VAMP7: variants seen among roughly 807,000 people sequenced by gnomAD.
VAMP7 encodes vesicle-associated membrane protein 7.
Under a neutral mutation model 29.6 loss-of-function variants are expected in VAMP7, and 14 were observed. The ratio of observed to expected loss-of-function variants is 0.47; its 90% CI spans 0.31 to 0.74. The LOEUF (loss-of-function observed/expected upper bound fraction) is 0.74. VAMP7 is among the 30% of genes least tolerant of loss of function. The probability of loss-of-function intolerance (pLI) is 0.05; values close to 1 mark genes in which losing one functional copy is unlikely to be tolerated. For missense variants in VAMP7, 223 were observed against 262.4 expected (o/e 0.85, Z 1.04); for synonymous variants, 95 against 88.1 (o/e 1.08, Z -0.44).
intron 4 of VAMP7, 84 bp from the exon 5 acceptor site, chrX:155,900,413 G>T (rs2066045273): frequency 9.7e-7 from 1 of 1,026,114 alleles, no homozygotes; most frequent in Non-Finnish European, 1.4e-6. Flanking sequence ...GCATTCCTCA[G>T]TGTAAATTGT....
chrX:155,888,110 T>G (rs2065886983), intron 1 of VAMP7, among the ~76,000 whole-genome samples: 1 of 152,098 alleles, frequency 6.6e-6, no homozygotes, highest in African/African-American at 2.4e-5. Flanking sequence ...GGGAACAACT[T>G]CAGTTAGAGA....
intron 5 of VAMP7, 54 bp from the exon 6 acceptor site, chrX:155,919,759 T>A: frequency 6.6e-7 from 1 of 1,507,244 alleles, no homozygotes; most frequent in East Asian, 2.3e-5. Context: ...AAAAAAAGTT[T>A]ATTTTATTCT....
intron 4 of VAMP7, 108 bp from the exon 5 acceptor site, chrX:155,900,389 G>A: frequency 3.6e-6 from 3 of 823,866 alleles, no homozygotes. Context: ...TATCAATAGA[G>A]ACATAATTTT....
chrX:155,895,598 A>G (rs1448678035), intron 2 of VAMP7, 25 bp from the exon 3 acceptor site: 2 of 1,569,344 alleles, frequency 1.3e-6, no homozygotes, highest in South Asian at 1.1e-5. Context: ...TAACCACAGT[A>G]AGTTTTATAT....
At chrX:155,895,542 G>GTGCTTAT (rs1569435050) in intron 2 of VAMP7, 81 bp from the exon 3 acceptor site, 2 of 1,002,840 alleles carry the variant, frequency 2.0e-6, no homozygotes, top group Non-Finnish European at 3.1e-6. Flanking sequence ...AGTACTGAAC[G>GTGCTTAT]TGCTTATACA....
intron 6 of VAMP7, among the ~76,000 whole-genome samples, chrX:155,923,266 T>C (rs1281073967): frequency 6.6e-6 from 1 of 152,016 alleles, no homozygotes; most frequent in African/African-American, 2.4e-5. Context: ...TCAGTGCTCT[T>C]AATTCTTTTG....
rs532123106 is a variant in VAMP7, at chrX:155,917,002, A to G, written c.434-2811A>G. ...TCACTTTCAAGCACACCAATCAAACATAGGTTTGGTCTTTTCATATAGTCC... is the reference window on the plus strand; with the variant it reads ...TCACTTTCAAGCACACCAATCAAACGTAGGTTTGGTCTTTTCATATAGTCC... On this transcript the variant is annotated intron_variant, in intron 5 of 7. Coordinates refer to ENST00000286448, the MANE Select transcript of VAMP7 (RefSeq NM_005638.6). Among the ~76,000 whole-genome samples the G allele has an allele frequency of 1.2e-4, 18 of 152,200 alleles. No homozygotes were observed. In the South Asian group the frequency reaches 3.7e-3, roughly 32 times the overall value.
intron 2 of VAMP7, among the ~76,000 whole-genome samples, chrX:155,895,115 C>T (rs1273558213): frequency 2.6e-5 from 4 of 152,260 alleles, no homozygotes; most frequent in South Asian, 4.2e-4. Context: ...CACTGTAATT[C>T]CTTACACTGT....
chrX:155,904,914 A>G, intron 5 of VAMP7, among the ~76,000 whole-genome samples: 1 of 148,222 alleles, frequency 6.7e-6, no homozygotes, highest in Non-Finnish European at 1.5e-5. Flanking sequence ...TATTATATAT[A>G]TATATATATG....
chrX:155,895,286 T>TG (rs1157071212), intron 2 of VAMP7, among the ~76,000 whole-genome samples: 6 of 152,208 alleles, frequency 3.9e-5, no homozygotes, highest in Non-Finnish European at 5.9e-5. Context: ...TATGGCCTAT[T>TG]GGGGGTTAAT....
chrX:155,897,009 G>T (rs1028614309), intron 3 of VAMP7, among the ~76,000 whole-genome samples: 1 of 151,470 alleles, frequency 6.6e-6, no homozygotes, highest in Non-Finnish European at 1.5e-5. Flanking sequence ...TAATATATAT[G>T]CTTCTTTATG....
At chrX:155,912,610 G>A (rs2124322678) in intron 5 of VAMP7, among the ~76,000 whole-genome samples, 1 of 152,046 alleles carries the variant, frequency 6.6e-6, no homozygotes, top group East Asian at 1.9e-4. Flanking sequence ...AACACGTGGT[G>A]TTTGGTTTTC....
chrX:155,927,928 T>C (rs933257126), intron 6 of VAMP7, among the ~76,000 whole-genome samples: 6 of 152,074 alleles, frequency 3.9e-5, no homozygotes, highest in African/African-American at 1.4e-4. Context: ...TTGTTTGTTT[T>C]GTTTTTTTAA....
At chrX:155,926,906 T>G (rs948875384) in intron 6 of VAMP7, among the ~76,000 whole-genome samples, 3 of 152,112 alleles carry the variant, frequency 2.0e-5, no homozygotes, top group Non-Finnish European at 4.4e-5. Flanking sequence ...GGGAGAGAGA[T>G]AAGAGAATAG....
At chrX:155,939,998 A>G (rs961273670) in intron 7 of VAMP7, among the ~76,000 whole-genome samples, 1 of 152,060 alleles carries the variant, frequency 6.6e-6, no homozygotes, top group African/African-American at 2.4e-5. Flanking sequence ...GAATTATTAT[A>G]TATTCTCAAT....
rs2066770585 is a variant in VAMP7, at chrX:155,943,081, C to G, written c.*1130C>G. ...ACAAAACAGTTTAACAACCATTTAACTGCAGTGTAAGAAAATTGGACTGTA... is the reference window on the plus strand; with the variant it reads ...ACAAAACAGTTTAACAACCATTTAAGTGCAGTGTAAGAAAATTGGACTGTA... On this transcript the variant is annotated 3_prime_UTR_variant, in exon 8 of 8. Transcript: ENST00000286448. The G allele has an allele frequency of 6.7e-6, 1 of 150,194 alleles. No individual in the cohort carries two copies. Among genetic ancestry groups the G allele is most frequent in the African/African-American group, 2.5e-5 (1 of 40,498 alleles). 9.3% of individuals were successfully genotyped at this position (150,194 alleles called of 1,614,324 possible).
chrX:155,918,302 C>G (rs2066342183), intron 5 of VAMP7, among the ~76,000 whole-genome samples: 1 of 151,418 alleles, frequency 6.6e-6, no homozygotes. Context: ...CAGCCCCTTT[C>G]CAGGCGAGTG....
chrX:155,925,486 C>G (rs2124365745), intron 6 of VAMP7, among the ~76,000 whole-genome samples: 1 of 152,276 alleles, frequency 6.6e-6, no homozygotes, highest in Admixed American at 6.5e-5. Context: ...TGAGAGCGCA[C>G]ACCCGTGACA....
Position 155,913,644 on chromosome X carries a change from G to T in VAMP7, c.434-6169G>T, listed in dbSNP as rs150688580. On this transcript the variant is annotated intron_variant, in intron 5 of 7. Transcript: ENST00000286448. ...TTAAATAGGGAATCCTTTCCCCATT[G>T]CTTGTTTTTGTCAGGTTTGTCAAAG... 7.3e-3 allele frequency among the ~76,000 whole-genome samples: 1,112 copies of T among 152,188 alleles called. 19 individuals are homozygous for T. Among genetic ancestry groups the T allele is most frequent in the African/African-American group, 0.026 (1,069 of 41,540 alleles).
Sources: allele counts gnomAD v4.1 joint callset (sites outside exome capture counted in the v4.1 genomes callset), GRCh38; gene constraint gnomAD v4.1.1; transcripts MANE v1.5; gene names NCBI Gene and HGNC (gene_info 2026-07-23, HGNC 2026-07-21).